NRXN1: variants seen among roughly 807,000 people sequenced by gnomAD.
NRXN1 encodes the protein neurexin 1.
In NRXN1, 39 loss-of-function variants were observed where a neutral mutation model predicts 150.9. That is an observed-to-expected ratio of 0.26 (90% confidence interval 0.20 to 0.34). The LOEUF (loss-of-function observed/expected upper bound fraction) is 0.34, where lower values mean the gene tolerates loss of function less well. Among genes scored for constraint, NRXN1 ranks in the 10% least tolerant of loss-of-function variants. The pLI is 1.00. For missense variants in NRXN1, 1,815 were observed against 1,949.9 expected (o/e 0.93, Z 1.30); for synonymous variants, 924 against 757.0 (o/e 1.22, Z -3.62).
chr2:50,739,923 A>G (rs936432797), intron 5 of NRXN1, among the ~76,000 whole-genome samples: 5 of 152,120 alleles, frequency 3.3e-5, no homozygotes, highest in African/African-American at 4.8e-5. Context: ...ATGCTGAAAA[A>G]ATTATCTGTG....
intron 5 of NRXN1, among the ~76,000 whole-genome samples, chr2:50,687,622 G>A (rs1574102403): frequency 1.3e-5 from 2 of 152,178 alleles, no homozygotes; most frequent in African/African-American, 4.8e-5. Context: ...AAGACTCAGA[G>A]TGGGCACTAA....
At chr2:50,193,337 T>C (rs1291548626) in intron 18 of NRXN1, among the ~76,000 whole-genome samples, 3 of 152,216 alleles carry the variant, frequency 2.0e-5, no homozygotes, top group Non-Finnish European at 4.4e-5. Flanking sequence ...ATTTAGAGCC[T>C]ACGAGTGTTC....
chr2:50,812,747 CAT>C lies in NRXN1; in HGVS notation c.832+109120_832+109121del, dbSNP rs1491517847. ...GAGTGTGTGTGTGTGTGTGTGAGCG[CAT>C]GTGTGTGTGTGTGAAATTTAGCTAT... On this transcript the variant is annotated intron_variant, in intron 5 of 22. Coordinates refer to ENST00000401669, the MANE Select transcript of NRXN1 (RefSeq NM_001330078.2). Among the ~76,000 whole-genome samples the C allele has an allele frequency of 8.2e-5, 11 of 133,706 alleles. No homozygotes were observed. The East Asian group carries it at 1.5e-3, about 18-fold the overall frequency. 87.7% of individuals were successfully genotyped at this position (133,706 alleles called of 152,430 possible).
intron 5 of NRXN1, among the ~76,000 whole-genome samples, chr2:50,748,415 T>A (rs1052855595): frequency 1.3e-5 from 2 of 152,168 alleles, no homozygotes; most frequent in Admixed American, 6.6e-5. Flanking sequence ...GATTACCAAA[T>A]AACCATTGAA....
intron 5 of NRXN1, among the ~76,000 whole-genome samples, chr2:50,870,842 C>G (rs1173300710): frequency 6.6e-6 from 1 of 151,838 alleles, no homozygotes; most frequent in African/African-American, 2.4e-5. Context: ...TCATCAATAT[C>G]TCAAGCTCTC....
intron 21 of NRXN1, among the ~76,000 whole-genome samples, chr2:50,043,306 A>G (rs1418674931): frequency 6.6e-6 from 1 of 152,216 alleles, no homozygotes; most frequent in African/African-American, 2.4e-5. Flanking sequence ...CCCTCAGTTC[A>G]GAACAGAACA....
chr2:50,937,655 G>GATGAAGATGATGACA (rs1216570916), intron 2 of NRXN1, among the ~76,000 whole-genome samples: 1 of 152,074 alleles, frequency 6.6e-6, no homozygotes, highest in Non-Finnish European at 1.5e-5. Context: ...TGATGATGAT[G>GATGAAGATGATGACA]ATGAAGATGA....
chr2:50,384,330 C>A (rs1161238975), intron 17 of NRXN1, among the ~76,000 whole-genome samples: 6 of 151,808 alleles, frequency 4.0e-5, no homozygotes, highest in African/African-American at 1.2e-4. Flanking sequence ...CACGGTGAAA[C>A]CCCATCTCTA....
rs897707303 is a variant in NRXN1 at position 50,011,529 on chromosome 2, T to C, written c.4128+41742A>G. On this transcript the variant is annotated intron_variant, in intron 21 of 22. Coordinates refer to ENST00000401669, the MANE Select transcript of NRXN1 (RefSeq NM_001330078.2). ...CCTTACTTATCTTTGTGCTCAAGTG[T>C]TTGTTTATAAGCATAGATAATACCT... Among the ~76,000 whole-genome samples the C allele has an allele frequency of 6.3e-4, 96 of 152,186 alleles. 1 individual carries two copies. Among genetic ancestry groups the C allele is most frequent in the Non-Finnish European group, 2.8e-4 (19 of 67,982 alleles).
chr2:50,500,422 T>A (rs1227541568), intron 13 of NRXN1, among the ~76,000 whole-genome samples: 1 of 152,220 alleles, frequency 6.6e-6, no homozygotes, highest in Non-Finnish European at 1.5e-5. Flanking sequence ...AAGCCATTAT[T>A]TGATGACTAA....
chr2:50,238,079 C>A (rs111626088), intron 17 of NRXN1, among the ~76,000 whole-genome samples: 10,517 of 152,098 alleles, frequency 0.069, 428 homozygotes, highest in Middle Eastern at 0.12. Flanking sequence ...GTCAATTAAA[C>A]CTCTTTTCTT....
At chr2:50,700,663 C>G (rs1693607191) in intron 5 of NRXN1, among the ~76,000 whole-genome samples, 1 of 152,086 alleles carries the variant, frequency 6.6e-6, no homozygotes, top group African/African-American at 2.4e-5. Context: ...CTGCATGTCA[C>G]TTTTGTAGGG....
At chr2:50,157,203 T>C (rs2059073563) in intron 18 of NRXN1, among the ~76,000 whole-genome samples, 1 of 151,924 alleles carries the variant, frequency 6.6e-6, no homozygotes, top group Admixed American at 6.6e-5. Flanking sequence ...GCTACTGACA[T>C]TTAACAGTGG....
In NRXN1 at chr2:50,313,992, T is replaced by C. The variant is rs1047848104; in HGVS notation, c.3365-77022A>G. On this transcript the variant is annotated intron_variant, in intron 17 of 22. Coordinates refer to ENST00000401669, the MANE Select transcript of NRXN1 (RefSeq NM_001330078.2). ...AGCACATAATGTAGTTTAATCAATA[T>C]AATTATTGAAAAAAATAATTTACAC... is the stretch of plus-strand genomic sequence containing the variant. Among the ~76,000 whole-genome samples the C allele has an allele frequency of 2.0e-4, 31 of 152,070 alleles. 1 individual carries two copies. Among genetic ancestry groups the C allele is most frequent in the Admixed American group, 1.8e-3 (27 of 15,236 alleles).
intron 17 of NRXN1, among the ~76,000 whole-genome samples, chr2:50,403,168 C>T (rs957316450): frequency 6.6e-6 from 1 of 152,062 alleles, no homozygotes; most frequent in Non-Finnish European, 1.5e-5. Flanking sequence ...ATGTATGTTG[C>T]TCAGATAATT....
At chr2:50,424,923 A>T (rs1432593506) in intron 17 of NRXN1, among the ~76,000 whole-genome samples, 1 of 152,212 alleles carries the variant, frequency 6.6e-6, no homozygotes, top group Non-Finnish European at 1.5e-5. Flanking sequence ...CTTTCTACCA[A>T]TTCACTGTAG....
At chr2:50,179,488 C>G (rs2060563965) in intron 18 of NRXN1, among the ~76,000 whole-genome samples, 1 of 152,086 alleles carries the variant, frequency 6.6e-6, no homozygotes, top group African/African-American at 2.4e-5. Context: ...ACCCACTGAA[C>G]TTGGGAAACC....
At chr2:50,426,165 A>G (rs2084470251) in intron 17 of NRXN1, among the ~76,000 whole-genome samples, 1 of 152,222 alleles carries the variant, frequency 6.6e-6, no homozygotes, top group Non-Finnish European at 1.5e-5. Context: ...TGGAAACTTG[A>G]AATTTCACTT....
At chr2:50,994,007 C>G (rs1457521486) in intron 2 of NRXN1, among the ~76,000 whole-genome samples, 1 of 151,990 alleles carries the variant, frequency 6.6e-6, no homozygotes. Context: ...TACACACCGA[C>G]AAAACCTAAG....
Sources: gnomAD v4.1 joint callset for allele counts (sites outside exome capture counted in the v4.1 genomes callset) on GRCh38, gnomAD v4.1.1 for gene constraint, MANE v1.5 for transcripts, NCBI Gene and HGNC (gene_info 2026-07-23, HGNC 2026-07-21) for gene names.